Variants in UGT8 observed in about 807,000 individuals in gnomAD.
UGT8 encodes the protein 2-hydroxyacylsphingosine 1-beta-galactosyltransferase.
UGT8 carries 12 observed loss-of-function variants against 40.5 expected under a neutral mutation model. That is an observed-to-expected ratio of 0.30 (90% CI 0.19 to 0.48). The LOEUF (loss-of-function observed/expected upper bound fraction) is 0.48, where lower values mean the gene tolerates loss of function less well. UGT8 is among the 20% of genes least tolerant of loss of function. The pLI, the probability that UGT8 is intolerant of heterozygous loss-of-function variation, is 0.99. For synonymous variants in UGT8, 224 were observed against 240.4 expected, an observed-to-expected ratio of 0.93 and a Z score of 0.63; for missense variants, 513 against 648.7, an observed-to-expected ratio of 0.79 and a Z score of 2.27.
At chr4:114,640,495 C>T (rs1369849496) in intron 2 of UGT8, among the ~76,000 whole-genome samples, 1 of 151,920 alleles carries the variant, frequency 6.6e-6, no homozygotes, top group Non-Finnish European at 1.5e-5. Context: ...GTATGATATA[C>T]CCTAAGGTAG....
chr4:114,621,359 T>C (rs1731778644), intron 1 of UGT8, among the ~76,000 whole-genome samples: 1 of 152,192 alleles, frequency 6.6e-6, no homozygotes, highest in African/African-American at 2.4e-5. Flanking sequence ...CTGAAATGCA[T>C]CAGCAAATTG....
intron 2 of UGT8, among the ~76,000 whole-genome samples, chr4:114,645,318 A>G (rs1330313637): frequency 6.6e-6 from 1 of 152,158 alleles, no homozygotes; most frequent in Non-Finnish European, 1.5e-5. Flanking sequence ...GTACTATTTC[A>G]TTTTATCCTC....
intron 4 of UGT8, 126 bp from the exon 5 acceptor site, chr4:114,667,959 C>T: frequency 7.0e-7 from 1 of 1,436,102 alleles, no homozygotes; most frequent in Non-Finnish European, 9.1e-7. Flanking sequence ...AGTGAAATTA[C>T]ACCTTTAGGA....
chr4:114,660,335 A>G (rs553227530), intron 2 of UGT8, among the ~76,000 whole-genome samples: 6 of 152,304 alleles, frequency 3.9e-5, no homozygotes, highest in African/African-American at 7.2e-5. Context: ...TATAGACAAT[A>G]TGAAAACAGA....
chr4:114,601,007 T>A (rs1311858569), intron 1 of UGT8, among the ~76,000 whole-genome samples: 1 of 152,240 alleles, frequency 6.6e-6, no homozygotes, highest in African/African-American at 2.4e-5. Flanking sequence ...TAGTAAAGGC[T>A]TGATACTCTA....
chr4:114,666,440 A>G (rs1360913775), intron 4 of UGT8, among the ~76,000 whole-genome samples: 1 of 152,120 alleles, frequency 6.6e-6, no homozygotes, highest in Non-Finnish European at 1.5e-5. Context: ...AATTTTATTT[A>G]TGTATATAAT....
intron 2 of UGT8, among the ~76,000 whole-genome samples, chr4:114,661,313 A>G (rs966378621): frequency 1.3e-5 from 2 of 152,028 alleles, no homozygotes; most frequent in Non-Finnish European, 2.9e-5. Flanking sequence ...CACATTTACC[A>G]TGGAGTTTGT....
At chr4:114,646,689 A>G (rs932196434) in intron 2 of UGT8, among the ~76,000 whole-genome samples, 1 of 152,208 alleles carries the variant, frequency 6.6e-6, no homozygotes, top group African/African-American at 2.4e-5. Flanking sequence ...AAAACCAGAG[A>G]TGAGAAAGCA....
chr4:114,641,495 C>T (rs867919461), intron 2 of UGT8, among the ~76,000 whole-genome samples: 3 of 152,226 alleles, frequency 2.0e-5, no homozygotes, highest in African/African-American at 4.8e-5. Context: ...TTTCATAATA[C>T]GTTAGTTTTT....
intron 5 of UGT8, among the ~76,000 whole-genome samples, chr4:114,669,315 C>T (rs540843532): frequency 3.4e-4 from 51 of 152,070 alleles, no homozygotes; most frequent in African/African-American, 1.2e-3. Context: ...AAGTATATCC[C>T]TTCTTCTGTT....
At chr4:114,623,798 T>C in intron 2 of UGT8, 96 bp downstream of exon 2, 1 of 1,411,012 alleles carries the variant, frequency 7.1e-7, no homozygotes, top group Non-Finnish European at 9.3e-7. Flanking sequence ...ATATATTGTA[T>C]ATATACAGTA....
chr4:114,618,198 C>A (rs1731559167), intron 1 of UGT8, among the ~76,000 whole-genome samples: 1 of 152,128 alleles, frequency 6.6e-6, no homozygotes, highest in South Asian at 2.1e-4. Context: ...CTACTGTTGG[C>A]TTTATAGTGG....
chr4:114,675,093 T>C (rs569552133), intron 5 of UGT8, among the ~76,000 whole-genome samples: 26 of 152,300 alleles, frequency 1.7e-4, no homozygotes, highest in Non-Finnish European at 3.5e-4. Context: ...TCATGGTGTT[T>C]CCCAACTCTT....
chr4:114,626,394 G>C (rs78444063), intron 2 of UGT8, among the ~76,000 whole-genome samples: 5 of 152,126 alleles, frequency 3.3e-5, no homozygotes, highest in Admixed American at 2.6e-4. Context: ...AATTGCCCTG[G>C]TATCTTACAC....
rs1731919812 is a variant in UGT8 at position 114,622,950 on chromosome 4, A to G, written c.70A>G (p.Ile24Val). 1 of 1,613,968 alleles carries G rather than the reference A, an allele frequency of 6.2e-7. No homozygotes were observed. The highest frequency in any genetic ancestry group is 1.3e-5 in the African/African-American group (1 of 74,904). The change falls in exon 2 of 6, where the codon ATC becomes GTC. Residue 24 changes from isoleucine (I) to valine (V), a missense_variant. Ile to Val is a conservative substitution (Grantham distance 29). This residue lies in a region of UGT8 where 335 missense variants were observed against 444.8 expected (regional missense o/e 0.75). Coordinates refer to ENST00000310836, the MANE Select transcript of UGT8 (RefSeq NM_001128174.3). The stretch of plus-strand genomic sequence containing the variant: ...TGGGATAGCGAAGGCTGCCAAAATC[A>G]TCATCGTGCCGCCAATTATGTTTGA... ...AVGIAKAAKI[I>V]IVPPIMFESH...
chr4:114,665,559 C>A, intron 3 of UGT8, 121 bp from the exon 4 acceptor site: 1 of 1,275,406 alleles, frequency 7.8e-7, no homozygotes, highest in Non-Finnish European at 1.0e-6. Context: ...TGGTTTCATT[C>A]TTAAGAATAT....
chr4:114,641,495 C>A (rs867919461), intron 2 of UGT8, among the ~76,000 whole-genome samples: 3 of 152,108 alleles, frequency 2.0e-5, no homozygotes, highest in Non-Finnish European at 4.4e-5. Flanking sequence ...TTTCATAATA[C>A]GTTAGTTTTT....
intron 1 of UGT8, among the ~76,000 whole-genome samples, chr4:114,604,445 G>T (rs1730614456): frequency 6.9e-6 from 1 of 145,388 alleles, no homozygotes. Flanking sequence ...CTGATTTGTA[G>T]AGGTTTGTTT....
At chr4:114,667,808 A>G (rs2126135331) in intron 4 of UGT8, 1 of 734,140 alleles carries the variant, frequency 1.4e-6, no homozygotes. Flanking sequence ...GGCCATTTAA[A>G]TATGTGTTGT....
Sources: allele counts gnomAD v4.1 joint callset (sites outside exome capture counted in the v4.1 genomes callset), GRCh38; gene constraint gnomAD v4.1.1; regional missense constraint gnomAD v4.1.1; transcripts MANE v1.5; gene names NCBI Gene and HGNC (gene_info 2026-07-23, HGNC 2026-07-21).